The following COL14A1 variants were observed in gnomAD, a reference collection of about 807,000 sequenced individuals.
COL14A1 encodes collagen type XIV alpha 1 chain, also known as collagen alpha-1(XIV) chain.
A neutral mutation model predicts 230.3 loss-of-function variants in COL14A1; 136 were observed. The observed-to-expected ratio is 0.59, with a 90% confidence interval of 0.51 to 0.68. The LOEUF (loss-of-function observed/expected upper bound fraction) is 0.68, where lower values mean the gene tolerates loss of function less well. Ranked by LOEUF, COL14A1 falls within the 30% of genes least tolerant of loss-of-function variation. The pLI is 0.00. For synonymous variants in COL14A1, 792 were observed against 784.1 expected (o/e 1.01, Z -0.17); for missense variants, 1,976 against 2,215.8 (o/e 0.89, Z 2.17).
intron 5 of COL14A1, among the ~76,000 whole-genome samples, chr8:120,180,553 C>T (rs1484631960): frequency 1.3e-5 from 2 of 152,136 alleles, no homozygotes; most frequent in Non-Finnish European, 2.9e-5. Context: ...GTTGCTCTCT[C>T]TTGCTTCTCC....
intron 19 of COL14A1, among the ~76,000 whole-genome samples, chr8:120,234,867 C>T (rs201505490): frequency 1.2e-4 from 19 of 152,126 alleles, no homozygotes; most frequent in African/African-American, 4.1e-4. Flanking sequence ...TCTATTGCTT[C>T]GAATAGTTTT....
intron 20 of COL14A1, among the ~76,000 whole-genome samples, 186 bp downstream of exon 20, chr8:120,244,194 T>C (rs1426368687): frequency 1.3e-5 from 2 of 152,216 alleles, no homozygotes; most frequent in East Asian, 3.8e-4. Flanking sequence ...ATTGCTTAAA[T>C]GTTCTGGGCT....
At chr8:120,221,688 G>C (rs531981522) in intron 14 of COL14A1, among the ~76,000 whole-genome samples, 8 of 151,976 alleles carry the variant, frequency 5.3e-5, no homozygotes, top group African/African-American at 1.9e-4. Flanking sequence ...ATTCCTATTT[G>C]TCACATATTT....
At chr8:120,317,239 C>G (rs902902326) in intron 40 of COL14A1, among the ~76,000 whole-genome samples, 1 of 152,206 alleles carries the variant, frequency 6.6e-6, no homozygotes, top group African/African-American at 2.4e-5. Context: ...CACTTCTCTA[C>G]TCAAACAAGG....
intron 36 of COL14A1, among the ~76,000 whole-genome samples, chr8:120,306,603 A>C (rs1447790017): frequency 6.6e-6 from 1 of 152,220 alleles, no homozygotes; most frequent in Non-Finnish European, 1.5e-5. Context: ...GGATAGAAGA[A>C]TCATATTCTC....
intron 23 of COL14A1, among the ~76,000 whole-genome samples, chr8:120,255,760 T>A (rs1247186886): frequency 1.3e-5 from 2 of 151,514 alleles, no homozygotes; most frequent in African/African-American, 4.9e-5. Flanking sequence ...GGGATCAAGT[T>A]TAAATTTAAT....
At chr8:120,327,599 C>CT (rs1821722881) in intron 40 of COL14A1, among the ~76,000 whole-genome samples, 2 of 152,092 alleles carry the variant, frequency 1.3e-5, no homozygotes, top group South Asian at 2.1e-4. Context: ...CTCCTGATGT[C>CT]TTTTCGACTT....
At chr8:120,213,960 A>G (rs1419321238) in intron 13 of COL14A1, 1 of 419,960 alleles carries the variant, frequency 2.4e-6, no homozygotes, top group Admixed American at 2.8e-5. Flanking sequence ...GAGATTCACT[A>G]ACTCCTACAA....
At chr8:120,310,119 A>T in intron 37 of COL14A1, 57 bp downstream of exon 37, 2 of 1,561,864 alleles carry the variant, frequency 1.3e-6, no homozygotes, top group South Asian at 2.3e-5. Context: ...TCTCATAAAT[A>T]GCCATCATTT....
chr8:120,272,373 A>G (rs1366494170), intron 26 of COL14A1, among the ~76,000 whole-genome samples: 1 of 151,772 alleles, frequency 6.6e-6, no homozygotes, highest in East Asian at 1.9e-4. Flanking sequence ...GGGCCTATAA[A>G]ACAATAACAC....
intron 14 of COL14A1, among the ~76,000 whole-genome samples, chr8:120,216,758 G>A (rs1450063126): frequency 6.6e-6 from 1 of 152,102 alleles, no homozygotes; most frequent in Non-Finnish European, 1.5e-5. Flanking sequence ...TGCCTGGTCT[G>A]GGGAGCCTGG....
rs1441524233 is a variant in COL14A1, at chr8:120,341,317, T to G, written c.4786-8T>G. The G allele has an allele frequency of 1.9e-6, 3 of 1,614,176 alleles. No homozygotes were observed. The highest frequency in any genetic ancestry group is 2.7e-5 in the African/African-American group (2 of 75,066). On this transcript the variant is annotated splice_region_variant and splice_polypyrimidine_tract_variant and intron_variant, in intron 42 of 47. Coordinates refer to ENST00000297848, the MANE Select transcript of COL14A1 (RefSeq NM_021110.4). ...CATAAGTAACTTGACAATTTTCCAT[T>G]TATACAGGGTGTCCCTGGAGCAAAG...
At chr8:120,231,337 G>A in intron 18 of COL14A1, 130 bp from the exon 19 acceptor site, 1 of 940,268 alleles carries the variant, frequency 1.1e-6, no homozygotes, top group Non-Finnish European at 1.6e-6. Flanking sequence ...AGCCCTTCTT[G>A]CCTCATATAC....
intron 36 of COL14A1, among the ~76,000 whole-genome samples, chr8:120,308,545 A>G (rs1171214650): frequency 6.6e-6 from 1 of 152,272 alleles, no homozygotes. Context: ...AGTATTTTGT[A>G]TAGATATAGA....
chr8:120,363,132 A>T (rs1823283356), intron 45 of COL14A1, among the ~76,000 whole-genome samples: 1 of 152,180 alleles, frequency 6.6e-6, no homozygotes, highest in Non-Finnish European at 1.5e-5. Flanking sequence ...ATGCTTGCTT[A>T]TAATGGGCAG....
At chr8:120,317,423 C>T (rs897801023) in intron 40 of COL14A1, among the ~76,000 whole-genome samples, 1 of 152,054 alleles carries the variant, frequency 6.6e-6, no homozygotes, top group Non-Finnish European at 1.5e-5. Context: ...ATTAGTCAGT[C>T]CGTGAAATAT....
At chr8:120,261,301 A>G (rs932950593) in intron 23 of COL14A1, among the ~76,000 whole-genome samples, 2 of 152,192 alleles carry the variant, frequency 1.3e-5, no homozygotes, top group Admixed American at 6.6e-5. Flanking sequence ...AACTTTTCTG[A>G]CCTTTAGTTT....
chr8:120,367,094 G>A (rs979655490), intron 45 of COL14A1, 77 bp from the exon 46 acceptor site: 16 of 1,229,286 alleles, frequency 1.3e-5, no homozygotes, highest in East Asian at 1.0e-4. Context: ...AAGCACTTTC[G>A]AACTCCAGAA....
intron 14 of COL14A1, among the ~76,000 whole-genome samples, chr8:120,217,793 T>C (rs1203566933): frequency 6.6e-6 from 1 of 151,574 alleles, no homozygotes; most frequent in African/African-American, 2.4e-5. Flanking sequence ...TCACCAGAAA[T>C]ACATAAACTA....
Sources: allele counts gnomAD v4.1 joint callset (sites outside exome capture counted in the v4.1 genomes callset), GRCh38; gene constraint gnomAD v4.1.1; transcripts MANE v1.5; gene names NCBI Gene and HGNC (gene_info 2026-07-23, HGNC 2026-07-21).